The following CWC27 variants were observed in gnomAD, a reference collection of about 807,000 sequenced individuals.
CWC27 encodes the protein spliceosome-associated protein CWC27 homolog.
Under a neutral mutation model 63.6 loss-of-function variants are expected in CWC27, and 47 were observed. That is an observed-to-expected ratio of 0.74 (90% CI 0.58 to 0.94). The LOEUF (loss-of-function observed/expected upper bound fraction) is 0.94, where lower values mean the gene tolerates loss of function less well. Ranked by LOEUF, CWC27 falls within the 40% of genes least tolerant of loss-of-function variation. The probability of loss-of-function intolerance (pLI) is 0.00; values close to 1 mark genes in which losing one functional copy is unlikely to be tolerated. For missense variants in CWC27, 495 were observed against 554.3 expected (o/e 0.89, Z 1.07); for synonymous variants, 175 against 179.8 (o/e 0.97, Z 0.22).
intron 7 of CWC27, among the ~76,000 whole-genome samples, chr5:64,791,862 A>G (rs747220657): frequency 6.6e-6 from 1 of 152,084 alleles, no homozygotes; most frequent in Non-Finnish European, 1.5e-5. Context: ...GATTTTTCAT[A>G]TATTTTTTCA....
intron 13 of CWC27, among the ~76,000 whole-genome samples, chr5:64,996,828 A>C (rs1419427239): frequency 1.3e-5 from 2 of 152,152 alleles, no homozygotes; most frequent in African/African-American, 2.4e-5. Flanking sequence ...TTTTTATGGC[A>C]TTCTACATAG....
At chr5:65,017,136 AT>A (rs1395610881) in intron 13 of CWC27, among the ~76,000 whole-genome samples, 1 of 152,088 alleles carries the variant, frequency 6.6e-6, no homozygotes, top group Non-Finnish European at 1.5e-5. Flanking sequence ...CCTGGCCAGC[AT>A]GGTGAAACCC....
In CWC27 at chr5:64,887,254, C is replaced by T. The variant is rs115287245; in HGVS notation, c.1042+1708C>T. 8.4e-3 allele frequency among the ~76,000 whole-genome samples: 1,284 copies of T among 151,982 alleles called. 18 individuals are homozygous for T. The highest frequency in any genetic ancestry group is 0.031 in the Middle Eastern group (9 of 294). On this transcript the variant is annotated intron_variant, in intron 11 of 13. Transcript: ENST00000381070. ...AGCAGTGCTAAGTTTATTTATTTGT[C>T]TCCCTTTGAAATAATAAATAGGTAG...
At chr5:64,891,874 A>C (rs1041708341) in intron 11 of CWC27, among the ~76,000 whole-genome samples, 1 of 151,896 alleles carries the variant, frequency 6.6e-6, no homozygotes, top group Admixed American at 6.6e-5. Flanking sequence ...AGCTCACTGC[A>C]ACCTCCACCT....
chr5:64,895,705 T>G (rs1288469007), intron 11 of CWC27, among the ~76,000 whole-genome samples: 1 of 152,142 alleles, frequency 6.6e-6, no homozygotes, highest in African/African-American at 2.4e-5. Context: ...GTAATATATT[T>G]CAAGAAATGA....
At chr5:64,943,439 G>A (rs1440234256) in intron 11 of CWC27, among the ~76,000 whole-genome samples, 1 of 152,120 alleles carries the variant, frequency 6.6e-6, no homozygotes, top group African/African-American at 2.4e-5. Flanking sequence ...CAGCCCCTTA[G>A]CGTTCTGTAC....
At chr5:64,833,171 C>T (rs1249846867) in intron 10 of CWC27, among the ~76,000 whole-genome samples, 1 of 151,802 alleles carries the variant, frequency 6.6e-6, no homozygotes, top group African/African-American at 2.4e-5. Context: ...ACACATACCC[C>T]CCCACACAGA....
At chr5:64,967,996 T>C (rs1749049911) in intron 11 of CWC27, among the ~76,000 whole-genome samples, 1 of 151,902 alleles carries the variant, frequency 6.6e-6, no homozygotes, top group Admixed American at 6.6e-5. Flanking sequence ...CTGAGATAAA[T>C]CATTTACAAA....
intron 11 of CWC27, among the ~76,000 whole-genome samples, chr5:64,940,391 C>T (rs564742915): frequency 3.9e-5 from 6 of 152,172 alleles, no homozygotes; most frequent in South Asian, 4.1e-4. Flanking sequence ...CCTTGCACTT[C>T]CCGGTGAGGC....
At chr5:64,895,390 C>T (rs886552397) in intron 11 of CWC27, among the ~76,000 whole-genome samples, 61 of 151,510 alleles carry the variant, frequency 4.0e-4, no homozygotes, top group African/African-American at 1.5e-3. Flanking sequence ...TGGTCACTTT[C>T]AAGTTTTGAC....
At chr5:64,906,441 C>T (rs577200920) in intron 11 of CWC27, among the ~76,000 whole-genome samples, 15 of 152,236 alleles carry the variant, frequency 9.9e-5, no homozygotes, top group Non-Finnish European at 2.1e-4. Context: ...CATTTTTTCA[C>T]GTGTCTGTTG....
At chr5:64,782,220 G>A (rs539365062) in intron 3 of CWC27, among the ~76,000 whole-genome samples, 187 bp downstream of exon 3, 78 of 152,156 alleles carry the variant, frequency 5.1e-4, no homozygotes, top group Middle Eastern at 6.8e-3. Flanking sequence ...AGCCGAGGGG[G>A]GCGGATCACT....
At chr5:64,866,510 CCTT>C (rs1056363993) in intron 10 of CWC27, among the ~76,000 whole-genome samples, 5 of 152,082 alleles carry the variant, frequency 3.3e-5, no homozygotes, top group South Asian at 2.1e-4. Context: ...GATTTAAAAT[CCTT>C]CTTCTTTTTT....
At chr5:64,944,825 C>T (rs1478722920) in intron 11 of CWC27, among the ~76,000 whole-genome samples, 1 of 152,044 alleles carries the variant, frequency 6.6e-6, no homozygotes, top group Non-Finnish European at 1.5e-5. Flanking sequence ...AACATAGTAT[C>T]CAGGATGGTC....
intron 1 of CWC27, among the ~76,000 whole-genome samples, chr5:64,772,338 G>A (rs140761299): frequency 5.4e-4 from 82 of 152,120 alleles, no homozygotes; most frequent in African/African-American, 2.0e-3. Flanking sequence ...TATATAAAAA[G>A]ATGATGACTG....
At chr5:64,914,881 T>C (rs2112383132) in intron 11 of CWC27, among the ~76,000 whole-genome samples, 1 of 152,266 alleles carries the variant, frequency 6.6e-6, no homozygotes. Context: ...AAAATTGTGG[T>C]ATATTCATCC....
intron 11 of CWC27, among the ~76,000 whole-genome samples, chr5:64,950,788 T>C (rs533107038): frequency 1.4e-4 from 21 of 152,058 alleles, no homozygotes; most frequent in Middle Eastern, 3.4e-3. Flanking sequence ...TTGCAGTTAA[T>C]CCCCTCTAGT....
At chr5:64,976,786 C>T (rs1344280959) in intron 12 of CWC27, among the ~76,000 whole-genome samples, 2 of 152,150 alleles carry the variant, frequency 1.3e-5, no homozygotes, top group Non-Finnish European at 2.9e-5. Context: ...AAAAGATCCT[C>T]CCACTTTGGC....
chr5:64,978,864 C>CT (rs1284558237), intron 13 of CWC27, among the ~76,000 whole-genome samples: 1 of 151,836 alleles, frequency 6.6e-6, no homozygotes, highest in Non-Finnish European at 1.5e-5. Context: ...CATTTAAGTC[C>CT]TTTTTTATTG....
Sources: gnomAD v4.1 joint callset for allele counts (sites outside exome capture counted in the v4.1 genomes callset) on GRCh38, gnomAD v4.1.1 for gene constraint, MANE v1.5 for transcripts, NCBI Gene and HGNC (gene_info 2026-07-23, HGNC 2026-07-21) for gene names.